The following COL18A1 variants were observed in gnomAD, a reference collection of about 807,000 sequenced individuals.
COL18A1 encodes collagen alpha-1(XVIII) chain.
COL18A1 carries 133 observed loss-of-function variants against 168.0 expected under a neutral mutation model. The ratio of observed to expected loss-of-function variants is 0.79; its 90% CI spans 0.69 to 0.91. The LOEUF (loss-of-function observed/expected upper bound fraction) is 0.91. COL18A1 is among the 40% of genes least tolerant of loss of function. COL18A1 has a pLI of 0.00. For missense variants in COL18A1, 2,126 were observed against 1,925.4 expected, an observed-to-expected ratio of 1.10 and a Z score of -1.95; for synonymous variants, 949 against 809.0, an observed-to-expected ratio of 1.17 and a Z score of -2.94.
intron 7 of COL18A1, 126 bp from the exon 8 acceptor site, chr21:45,477,624 C>A: frequency 8.0e-7 from 1 of 1,248,624 alleles, no homozygotes; most frequent in Middle Eastern, 1.8e-4. Flanking sequence ...TGCCAGCATG[C>A]GTCCACCCTG....
intron 2 of COL18A1, among the ~76,000 whole-genome samples, chr21:45,464,559 G>A (rs963634092): frequency 2.6e-5 from 4 of 152,188 alleles, no homozygotes; most frequent in Non-Finnish European, 4.4e-5. Context: ...AACCAACACA[G>A]CTGTCTTACC....
Position 45,421,583 on chromosome 21 carries a change from T to C in COL18A1, c.106+16110T>C, listed in dbSNP as rs181259884. ...AACCTCGGCCTTCCATTTCTTAAAT[T>C]GCTCACTCCTGCAGTCCTCTTCTCT... On this transcript the variant is annotated intron_variant, in intron 2 of 41. Transcript: ENST00000651438. 279 of 534,576 alleles carry C rather than the reference T, an allele frequency of 5.2e-4. No individual in the cohort carries two copies. In the Admixed American group the frequency reaches 5.3e-3, roughly 10 times the overall value. 33.1% of individuals were successfully genotyped at this position (534,576 alleles called of 1,614,324 possible).
chr21:45,497,110 A>G lies in COL18A1; in HGVS notation c.2620+18A>G. ...ATTGCCAGGTGAGGGTCCTGGGCTCACAGCTGGGGACACAGGCTCTGAAGG... is the reference window on the plus strand; with the variant it reads ...ATTGCCAGGTGAGGGTCCTGGGCTCGCAGCTGGGGACACAGGCTCTGAAGG... On this transcript the variant is annotated intron_variant, in intron 31 of 41. Coordinates refer to ENST00000651438, the MANE Select transcript of COL18A1 (RefSeq NM_001379500.1). 1.3e-6 allele frequency: 2 copies of G among 1,516,908 alleles called. No individual in the cohort carries two copies. Among genetic ancestry groups the G allele is most frequent in the Non-Finnish European group, 9.1e-7 (1 of 1,101,972 alleles). 94.0% of individuals were successfully genotyped at this position (1,516,908 alleles called of 1,614,324 possible).
In COL18A1 at chr21:45,505,873, C is replaced by A; in HGVS notation, c.3123C>A (p.Gly1041=). The change falls in exon 37 of 42, where the codon GGC becomes GGA. Residue 1041 remains glycine (G), a synonymous_variant. Coordinates refer to ENST00000651438, the MANE Select transcript of COL18A1 (RefSeq NM_001379500.1). ...RLWATRQAML[G]QVHEVPEGWL... is the part of the protein sequence containing the mutation. ...GGGCTACACGCCAGGCCATGCTGGG[C>A]CAGGTGCACGAGGTTCCCGAGGGCT... is the stretch of plus-strand genomic sequence containing the variant. The A allele has an allele frequency of 6.2e-7, 1 of 1,612,080 alleles. No homozygotes were observed. The highest frequency in any genetic ancestry group is 8.5e-7 in the Non-Finnish European group (1 of 1,179,736).
Position 45,512,185 on chromosome 21 carries a change from C to A in COL18A1, c.3810-3C>A, listed in dbSNP as rs553288348. On this transcript the variant is annotated splice_polypyrimidine_tract_variant and splice_region_variant and intron_variant, in intron 41 of 41. Transcript: ENST00000651438. ...TTGACTGACGGCCCGGCGCGTCTTACAGGCCCCAGAAGAGCGTGTGGCATG... is the reference window on the plus strand; with the variant it reads ...TTGACTGACGGCCCGGCGCGTCTTAAAGGCCCCAGAAGAGCGTGTGGCATG... 1.2e-6 allele frequency: 2 copies of A among 1,611,526 alleles called. No homozygotes were observed. Among genetic ancestry groups the A allele is most frequent in the Non-Finnish European group, 1.7e-6 (2 of 1,179,288 alleles).
intron 2 of COL18A1, among the ~76,000 whole-genome samples, chr21:45,441,477 C>T (rs942136024): frequency 6.6e-6 from 1 of 152,208 alleles, no homozygotes; most frequent in South Asian, 2.1e-4. Flanking sequence ...CCTCGGGACG[C>T]TTGAACCCAC....
chr21:45,446,315 C>G (rs1299469470), intron 2 of COL18A1, among the ~76,000 whole-genome samples: 4 of 152,234 alleles, frequency 2.6e-5, no homozygotes, highest in African/African-American at 9.6e-5. Context: ...CCCACACTGT[C>G]CTGTTACCAT....
chr21:45,478,214 G>T, intron 8 of COL18A1, 113 bp from the exon 9 acceptor site: 1 of 1,412,224 alleles, frequency 7.1e-7, no homozygotes, highest in South Asian at 1.2e-5. Context: ...ATCGGGGGAA[G>T]GCGTCTGCCG....
chr21:45,406,330 T>G (rs2123487767), intron 2 of COL18A1, among the ~76,000 whole-genome samples: 1 of 152,298 alleles, frequency 6.6e-6, no homozygotes, highest in South Asian at 2.1e-4. Flanking sequence ...ACTCCACACC[T>G]GCTTGCTACA....
chr21:45,492,469 GCT>G, intron 22 of COL18A1, 64 bp from the exon 23 acceptor site: 1 of 1,579,398 alleles, frequency 6.3e-7, no homozygotes, highest in Non-Finnish European at 8.7e-7. Context: ...TCTGTAAGTC[GCT>G]CGAGTCCAGT....
intron 31 of COL18A1, 72 bp from the exon 32 acceptor site, chr21:45,497,524 TTCG>T: frequency 1.3e-6 from 2 of 1,538,874 alleles, no homozygotes; most frequent in Non-Finnish European, 1.8e-6. Context: ...ACTAGGGCAT[TTCG>T]GGCAGGAGGG....
intron 2 of COL18A1, chr21:45,456,361 C>A (rs1358535327): frequency 6.5e-7 from 1 of 1,550,110 alleles, no homozygotes; most frequent in South Asian, 1.2e-5. Context: ...AGCACGCGGC[C>A]CCCTCCGCCT....
intron 2 of COL18A1, among the ~76,000 whole-genome samples, chr21:45,412,882 CTT>C (rs1196843237): frequency 6.6e-6 from 1 of 152,250 alleles, no homozygotes; most frequent in Non-Finnish European, 1.5e-5. Flanking sequence ...CTATGGTCCT[CTT>C]TGCCCTCATG....
intron 30 of COL18A1, 123 bp from the exon 31 acceptor site, chr21:45,496,927 G>T (rs1024021333): frequency 2.0e-5 from 15 of 733,184 alleles, no homozygotes; most frequent in Non-Finnish European, 4.9e-6. Context: ...GTCTCTGACT[G>T]GGGGAGGCTG....
At position 45,512,827 on chromosome 21, in the gene COL18A1, C is replaced by T. The variant is rs1602671091; in HGVS notation, c.*429C>T. The T allele has an allele frequency of 6.9e-6, 2 of 290,804 alleles. No individual in the cohort carries two copies. The highest frequency in any genetic ancestry group is 6.6e-5 in the South Asian group (2 of 30,148). 18.0% of individuals were successfully genotyped at this position (290,804 alleles called of 1,614,324 possible). On this transcript the variant is annotated 3_prime_UTR_variant, in exon 42 of 42. Transcript: ENST00000651438. ...ACCCAGACCTGTTAGCAGACAGGCC[C>T]CGTGAGGCAATGGGAGCTGAGGCCA...
chr21:45,437,380 ACAGG>A (rs1490924103), intron 2 of COL18A1, among the ~76,000 whole-genome samples: 1 of 124,714 alleles, frequency 8.0e-6, no homozygotes, highest in East Asian at 2.6e-4. Context: ...ACTCAGACAC[ACAGG>A]CACTCTCCTG....
Position 45,512,588 on chromosome 21 carries a change from C to A in COL18A1, c.*190C>A. ...AGTGTATTTTTTTAAAAGTTTAAAACAGAAGCCTGATGCTGACATTCACCT... is the reference window on the plus strand; with the variant it reads ...AGTGTATTTTTTTAAAAGTTTAAAAAAGAAGCCTGATGCTGACATTCACCT... On this transcript the variant is annotated 3_prime_UTR_variant, in exon 42 of 42. Transcript: ENST00000651438. The A allele has an allele frequency of 1.6e-6, 1 of 638,476 alleles. No individual in the cohort carries two copies. The highest frequency in any genetic ancestry group is 2.7e-6 in the Non-Finnish European group (1 of 370,082). The allele number at this position is 638,476 out of a possible 1,614,324, so 39.6% of individuals were successfully genotyped here.
intron 2 of COL18A1, among the ~76,000 whole-genome samples, chr21:45,431,976 CAT>C (rs1336332148): frequency 3.3e-5 from 5 of 152,170 alleles, no homozygotes; most frequent in African/African-American, 1.2e-4. Context: ...ACAAGGGTGT[CAT>C]AAGCTACTTT....
intron 40 of COL18A1, 69 bp downstream of exon 40, chr21:45,510,330 C>T (rs967500524): frequency 1.9e-5 from 29 of 1,493,356 alleles, no homozygotes; most frequent in African/African-American, 8.4e-5. Context: ...GAACTCCCAG[C>T]GGGGAGCTCC....
Sources: allele counts gnomAD v4.1 joint callset (sites outside exome capture counted in the v4.1 genomes callset), GRCh38; gene constraint gnomAD v4.1.1; transcripts MANE v1.5; gene names NCBI Gene and HGNC (gene_info 2026-07-23, HGNC 2026-07-21).